The following ADAMTSL1 variants were observed in gnomAD, a reference collection of about 807,000 sequenced individuals.
ADAMTSL1 encodes the protein ADAMTS like 1.
A neutral mutation model predicts 201.8 loss-of-function variants in ADAMTSL1; 126 were observed. That is an observed-to-expected ratio of 0.62 (90% CI 0.54 to 0.72). The LOEUF is 0.72. ADAMTSL1 is among the 30% of genes least tolerant of loss of function. The pLI is 0.00. For synonymous variants in ADAMTSL1, 1,121 were observed against 903.4 expected (o/e 1.24, Z -4.32); for missense variants, 2,679 against 2,277.8 (o/e 1.18, Z -3.59).
At chr9:18,099,355 A>ATTTTTTTT (rs397893715) in intron 1 of ADAMTSL1, among the ~76,000 whole-genome samples, 7 of 45,558 alleles carry the variant, frequency 1.5e-4, no homozygotes, top group African/African-American at 5.7e-4. Context: ...ATATATATAT[A>ATTTTTTTT]TTTTTTTTTT....
At chr9:17,913,898 C>T (rs370857718) in intron 1 of ADAMTSL1, among the ~76,000 whole-genome samples, 253 of 152,256 alleles carry the variant, frequency 1.7e-3, no homozygotes, top group South Asian at 3.7e-3. Context: ...AACACCTCTA[C>T]GCAAATAAAC....
intron 2 of ADAMTSL1, among the ~76,000 whole-genome samples, chr9:18,288,706 A>C (rs1255977995): frequency 6.6e-6 from 1 of 152,250 alleles, no homozygotes; most frequent in African/African-American, 2.4e-5. Context: ...AGCAGAGGCT[A>C]AAGAAGCCAG....
chr9:18,494,931 A>T (rs1277725926), intron 1 of ADAMTSL1, among the ~76,000 whole-genome samples: 1 of 152,190 alleles, frequency 6.6e-6, no homozygotes, highest in African/African-American at 2.4e-5. Context: ...CTAGCAAGAT[A>T]ACTGGGAATG....
chr9:18,357,134 G>C (rs1415781382), intron 2 of ADAMTSL1, among the ~76,000 whole-genome samples: 3 of 152,114 alleles, frequency 2.0e-5, no homozygotes, highest in Admixed American at 6.5e-5. Flanking sequence ...TTGGATGCCT[G>C]AAATGTGTAA....
chr9:18,364,196 ACT>A (rs1024189897), intron 2 of ADAMTSL1, among the ~76,000 whole-genome samples: 1 of 151,802 alleles, frequency 6.6e-6, no homozygotes, highest in Non-Finnish European at 1.5e-5. Context: ...CAGAGTGGAG[ACT>A]CCTTCATAAG....
At chr9:18,875,322 A>G (rs970775173) in intron 23 of ADAMTSL1, among the ~76,000 whole-genome samples, 1 of 151,868 alleles carries the variant, frequency 6.6e-6, no homozygotes, top group East Asian at 1.9e-4. Context: ...TTGTTTCTCA[A>G]ATTCCTTGAA....
At chr9:18,377,187 T>A (rs1837334328) in intron 2 of ADAMTSL1, among the ~76,000 whole-genome samples, 1 of 152,246 alleles carries the variant, frequency 6.6e-6, no homozygotes, top group Non-Finnish European at 1.5e-5. Flanking sequence ...CGTCATTTAC[T>A]AGCTGTGTAA....
intron 2 of ADAMTSL1, among the ~76,000 whole-genome samples, chr9:18,347,313 A>G (rs1036359375): frequency 3.9e-5 from 6 of 152,080 alleles, no homozygotes; most frequent in African/African-American, 1.2e-4. Context: ...TAATATTGTT[A>G]CCATATGGAT....
chr9:18,600,427 C>A (rs1268211933), intron 4 of ADAMTSL1, among the ~76,000 whole-genome samples: 1 of 152,226 alleles, frequency 6.6e-6, no homozygotes, highest in South Asian at 2.1e-4. Context: ...TCTGTCTGAC[C>A]CTATAGCCTG....
At chr9:18,451,429 G>C (rs183476836) in intron 2 of ADAMTSL1, among the ~76,000 whole-genome samples, 2 of 152,108 alleles carry the variant, frequency 1.3e-5, no homozygotes, top group Non-Finnish European at 2.9e-5. Flanking sequence ...GTCTAAATAT[G>C]GTTATGTGTA....
At chr9:18,193,449 AG>A (rs1209000676) in intron 2 of ADAMTSL1, among the ~76,000 whole-genome samples, 1 of 151,980 alleles carries the variant, frequency 6.6e-6, no homozygotes, top group Non-Finnish European at 1.5e-5. Context: ...TGTTCAGAAA[AG>A]CTCCTTTGCC....
intron 2 of ADAMTSL1, among the ~76,000 whole-genome samples, chr9:18,172,653 C>T (rs1225406198): frequency 6.6e-6 from 1 of 152,048 alleles, no homozygotes; most frequent in East Asian, 1.9e-4. Flanking sequence ...GAAGCCCTTA[C>T]ACTTACATTC....
chr9:18,775,983 A>C, intron 18 of ADAMTSL1, 87 bp downstream of exon 18: 2 of 1,488,974 alleles, frequency 1.3e-6, no homozygotes, highest in Non-Finnish European at 1.8e-6. Context: ...CCCTAAACTC[A>C]AGACCTGTGG....
intron 4 of ADAMTSL1, among the ~76,000 whole-genome samples, chr9:18,588,763 C>G (rs1022144934): frequency 1.3e-5 from 2 of 151,138 alleles, no homozygotes; most frequent in African/African-American, 4.9e-5. Context: ...AATGGGTTGG[C>G]TGTTGGTGCA....
At chr9:18,303,838 G>C (rs151239429) in intron 2 of ADAMTSL1, among the ~76,000 whole-genome samples, 274 of 152,138 alleles carry the variant, frequency 1.8e-3, no homozygotes, top group Non-Finnish European at 3.2e-3. Flanking sequence ...ATTTTGACCT[G>C]GGCTTGGAAT....
intron 2 of ADAMTSL1, among the ~76,000 whole-genome samples, chr9:18,354,068 T>TAC (rs1235586517): frequency 6.9e-6 from 1 of 145,686 alleles, no homozygotes; most frequent in East Asian, 2.0e-4. Context: ...TATATATATA[T>TAC]ACCTATAAAT....
chr9:18,147,634 C>G (rs1190028264), intron 1 of ADAMTSL1, among the ~76,000 whole-genome samples: 2 of 152,148 alleles, frequency 1.3e-5, no homozygotes, highest in African/African-American at 4.8e-5. Context: ...CAGAATAGGA[C>G]TTTCCATAGA....
intron 1 of ADAMTSL1, among the ~76,000 whole-genome samples, chr9:18,494,397 T>A (rs1454877683): frequency 6.8e-6 from 1 of 147,102 alleles, no homozygotes; most frequent in Admixed American, 6.8e-5. Flanking sequence ...TACCTAGAGA[T>A]AAGAGAAAAT....
intron 2 of ADAMTSL1, among the ~76,000 whole-genome samples, chr9:18,286,830 AT>A: frequency 6.6e-6 from 1 of 152,314 alleles, no homozygotes; most frequent in East Asian, 1.9e-4. Flanking sequence ...TAATTCACAG[AT>A]TTTGTGTTTA....
Sources: gnomAD v4.1 joint callset for allele counts (sites outside exome capture counted in the v4.1 genomes callset) on GRCh38, gnomAD v4.1.1 for gene constraint, MANE v1.5 for transcripts, NCBI Gene and HGNC (gene_info 2026-07-23, HGNC 2026-07-21) for gene names.